Variants in EYS observed in about 807,000 individuals in gnomAD.
The protein encoded by EYS is EGF-like photoreceptor maintenance factor.
A neutral mutation model predicts 282.1 loss-of-function variants in EYS; 250 were observed. The observed-to-expected ratio is 0.89, with a 90% CI of 0.80 to 0.98. The LOEUF (loss-of-function observed/expected upper bound fraction) is 0.98, where lower values mean the gene tolerates loss of function less well. Among genes scored for constraint, EYS ranks in the 50% least tolerant of loss-of-function variants. The pLI, the probability that EYS is intolerant of heterozygous loss-of-function variation, is 0.00. For synonymous variants in EYS, 1,355 were observed against 1,282.9 expected, an observed-to-expected ratio of 1.06 and a Z score of -1.20; for missense variants, 4,016 against 3,709.0, an observed-to-expected ratio of 1.08 and a Z score of -2.15.
intron 29 of EYS, among the ~76,000 whole-genome samples, chr6:64,371,121 A>G (rs1269912317): frequency 6.6e-6 from 1 of 151,742 alleles, no homozygotes; most frequent in African/African-American, 2.4e-5. Context: ...TGTTTATTTG[A>G]GATCTTCCTA....
At chr6:65,254,259 C>T (rs1582067534) in intron 12 of EYS, among the ~76,000 whole-genome samples, 1 of 151,740 alleles carries the variant, frequency 6.6e-6, no homozygotes, top group South Asian at 2.1e-4. Flanking sequence ...AAACAACTGG[C>T]TTGTGTATTG....
At chr6:64,552,317 T>C (rs1049878741) in intron 26 of EYS, among the ~76,000 whole-genome samples, 3 of 152,206 alleles carry the variant, frequency 2.0e-5, no homozygotes, top group Admixed American at 2.0e-4. Flanking sequence ...ACATATTTAT[T>C]TGACATATTT....
Position 63,999,142 on chromosome 6 carries a change from A to C in EYS, c.6767T>G (p.Ile2256Ser), listed in dbSNP as rs1582105077. 6.4e-7 allele frequency: 1 copy of C among 1,551,744 alleles called. No individual in the cohort carries two copies. The highest frequency in any genetic ancestry group is 1.4e-5 in the African/African-American group (1 of 73,172). The stretch of plus-strand genomic sequence containing the variant: ...AGGTTTTCCATCTGCAGTCATTTCA[A>C]TCATACAAACAACTCCAGGGCTGCC... Reference protein sequence around the residue: ...PVGSPGVVCMIEMTADGKPPV... With the variant: ...PVGSPGVVCMSEMTADGKPPV... The change falls in exon 34 of 43, where the codon ATT (isoleucine) becomes AGT (serine). Residue 2256 changes from isoleucine to serine, a missense_variant. By Grantham distance (142) the Ile-to-Ser change is moderately radical (BLOSUM62 -2). Coordinates refer to ENST00000503581, the MANE Select transcript of EYS (RefSeq NM_001142800.2).
At chr6:64,248,592 G>A (rs1470693752) in intron 30 of EYS, among the ~76,000 whole-genome samples, 1 of 152,102 alleles carries the variant, frequency 6.6e-6, no homozygotes, top group Non-Finnish European at 1.5e-5. Context: ...GCAGATGTTG[G>A]CAAGGATACA....
intron 10 of EYS, among the ~76,000 whole-genome samples, chr6:65,336,722 C>A (rs1770002738): frequency 6.6e-6 from 1 of 150,792 alleles, no homozygotes; most frequent in South Asian, 2.1e-4. Flanking sequence ...ATCTTTCACA[C>A]ATGTTTGTTT....
At chr6:64,766,649 A>AAAAATATATATAT (rs1387919586) in intron 22 of EYS, among the ~76,000 whole-genome samples, 1 of 19,066 alleles carries the variant, frequency 5.2e-5, no homozygotes, top group African/African-American at 1.8e-4. Context: ...AAAAAAAAAA[A>AAAAATATATATAT]ATATATATAT....
At chr6:64,651,193 A>G (rs925467555) in intron 22 of EYS, among the ~76,000 whole-genome samples, 1 of 152,182 alleles carries the variant, frequency 6.6e-6, no homozygotes, top group African/African-American at 2.4e-5. Context: ...TACAGAAAGG[A>G]TAGAATGGTT....
rs567633175 is a variant in EYS, at chr6:64,395,333, G to A, written c.5928-6493C>T. 1.2e-3 allele frequency among the ~76,000 whole-genome samples: 183 copies of A among 152,192 alleles called. 3 individuals are homozygous for A. The South Asian group carries it at 0.023, about 19-fold the overall frequency. The stretch of plus-strand genomic sequence containing the variant: ...TGCTGCTATAAAGACGCATGCACAC[G>A]TATGTTTATTGCAGCATTATTCACA... On this transcript the variant is annotated intron_variant, in intron 28 of 42. Transcript: ENST00000503581.
rs527577951 is a variant in EYS, at chr6:63,905,415, T to C, written c.7056-41057A>G. 7.8e-4 allele frequency among the ~76,000 whole-genome samples: 117 copies of C among 150,510 alleles called. 3 individuals are homozygous for C. In the South Asian group the frequency reaches 0.025, roughly 32 times the overall value. On this transcript the variant is annotated intron_variant, in intron 35 of 42. Coordinates refer to ENST00000503581, the MANE Select transcript of EYS (RefSeq NM_001142800.2). Reference sequence around the variant, plus strand: ...CACAATCTCGGCTCGCTGCAAGCTCTGCCTCCCAGGTTCACGCCATTCTCC... The same window carrying C: ...CACAATCTCGGCTCGCTGCAAGCTCCGCCTCCCAGGTTCACGCCATTCTCC...
intron 22 of EYS, among the ~76,000 whole-genome samples, chr6:64,710,509 G>GA (rs1771172507): frequency 6.6e-6 from 1 of 152,202 alleles, no homozygotes; most frequent in African/African-American, 2.4e-5. Context: ...AAGAAACCTG[G>GA]AATTGGGCCC....
chr6:64,101,391 A>G (rs1562201660), intron 31 of EYS, among the ~76,000 whole-genome samples: 1 of 152,216 alleles, frequency 6.6e-6, no homozygotes, highest in Non-Finnish European at 1.5e-5. Flanking sequence ...GACGAATCAA[A>G]AAGCCTAATA....
chr6:65,584,890 A>ATG (rs2127363307), intron 2 of EYS, among the ~76,000 whole-genome samples: 1 of 138,792 alleles, frequency 7.2e-6, no homozygotes, highest in South Asian at 2.3e-4. Context: ...TGGGAATATT[A>ATG]TATATATTAT....
At chr6:64,107,271 G>GTATATATATATATTTATATATATA (rs535956195) in intron 31 of EYS, among the ~76,000 whole-genome samples, 6 of 99,956 alleles carry the variant, frequency 6.0e-5, no homozygotes, top group East Asian at 2.9e-4. Flanking sequence ...GTGTGTGTGT[G>GTATATATATATATTTATATATATA]TATATATATA....
chr6:64,448,446 C>T (rs1775196879), intron 26 of EYS, among the ~76,000 whole-genome samples: 1 of 152,208 alleles, frequency 6.6e-6, no homozygotes, highest in South Asian at 2.1e-4. Flanking sequence ...CACAGACAAA[C>T]AAAAGACAGC....
intron 6 of EYS, among the ~76,000 whole-genome samples, chr6:65,404,671 TC>T (rs1196663905): frequency 6.6e-6 from 1 of 151,956 alleles, no homozygotes; most frequent in African/African-American, 2.4e-5. Context: ...CAGCAAAAGT[TC>T]AGCAATTTTT....
intron 1 of EYS, among the ~76,000 whole-genome samples, chr6:65,679,829 T>C (rs1768754003): frequency 1.3e-5 from 2 of 151,932 alleles, no homozygotes; most frequent in Admixed American, 6.6e-5. Flanking sequence ...TAATCTGTTA[T>C]TAATCTCAAG....
chr6:64,395,298 C>A (rs1281667152), intron 28 of EYS, among the ~76,000 whole-genome samples: 1 of 152,118 alleles, frequency 6.6e-6, no homozygotes, highest in East Asian at 1.9e-4. Flanking sequence ...ACCCAAAGGA[C>A]TCTAAATCAT....
chr6:65,241,233 C>T (rs1264558907), intron 12 of EYS, among the ~76,000 whole-genome samples: 1 of 152,036 alleles, frequency 6.6e-6, no homozygotes, highest in African/African-American at 2.4e-5. Flanking sequence ...TAGATATACT[C>T]ATAAAACTTA....
intron 35 of EYS, among the ~76,000 whole-genome samples, chr6:63,922,663 C>G (rs950469319): frequency 1.3e-5 from 2 of 152,176 alleles, no homozygotes; most frequent in Non-Finnish European, 2.9e-5. Context: ...AATGTAACTT[C>G]TCATACCTCA....
Sources: gnomAD v4.1 joint callset for allele counts (sites outside exome capture counted in the v4.1 genomes callset) on GRCh38, gnomAD v4.1.1 for gene constraint, MANE v1.5 for transcripts, NCBI Gene and HGNC (gene_info 2026-07-23, HGNC 2026-07-21) for gene names.